The following LHFPL2 variants were observed in gnomAD, a reference collection of about 807,000 sequenced individuals.
LHFPL2 encodes the protein LHFPL tetraspan subfamily member 2, also known as LHFPL tetraspan subfamily member 2 protein.
In LHFPL2, 7 loss-of-function variants were observed where a neutral mutation model predicts 17.5. The ratio of observed to expected loss-of-function variants is 0.40; its 90% CI spans 0.23 to 0.75. The LOEUF (loss-of-function observed/expected upper bound fraction) is 0.75, where lower values mean the gene tolerates loss of function less well. Ranked by LOEUF, LHFPL2 falls within the 30% of genes least tolerant of loss-of-function variation. The pLI, the probability that LHFPL2 is intolerant of heterozygous loss-of-function variation, is 0.37. For synonymous variants in LHFPL2, 134 were observed against 116.2 expected, an observed-to-expected ratio of 1.15 and a Z score of -0.99; for missense variants, 241 against 294.8, an observed-to-expected ratio of 0.82 and a Z score of 1.34.
rs1580851089 is a variant in LHFPL2, at chr5:78,605,418, T to C, written c.-245+26846A>G. 2.6e-5 allele frequency among the ~76,000 whole-genome samples: 4 copies of C among 152,274 alleles called. No individual in the cohort carries two copies. The South Asian group carries it at 8.3e-4, about 32-fold the overall frequency. On this transcript the variant is annotated intron_variant, in intron 2 of 4. Transcript: ENST00000380345. ...GCCCTGACAGGGGCATCAGGGGATCTGTTTCATTGGCGACTCCTCTGTGCC... is the reference window on the plus strand; with the variant it reads ...GCCCTGACAGGGGCATCAGGGGATCCGTTTCATTGGCGACTCCTCTGTGCC...
In LHFPL2 at chr5:78,486,549, G is replaced by C. The variant is rs1754248661; in HGVS notation, c.*2348C>G. On this transcript the variant is annotated 3_prime_UTR_variant, in exon 5 of 5. Transcript: ENST00000380345. ...TCCCAAGCCTGGCTAATGGATTCAA[G>C]GTTTAAAAGTCCCAACATTACCTTT... is the stretch of plus-strand genomic sequence containing the variant. The C allele has an allele frequency of 6.6e-6, 1 of 152,200 alleles. No homozygotes were observed. Among genetic ancestry groups the C allele is most frequent in the Non-Finnish European group, 1.5e-5 (1 of 68,040 alleles). The allele number at this position is 152,200 out of a possible 1,614,324, so 9.4% of individuals were successfully genotyped here. A position where few individuals can be genotyped will look rare whatever the true frequency, so the allele number is the denominator to read the frequency against.
intron 1 of LHFPL2, among the ~76,000 whole-genome samples, chr5:78,634,811 T>A (rs1745376626): frequency 6.6e-6 from 1 of 152,242 alleles, no homozygotes; most frequent in Admixed American, 6.5e-5. Flanking sequence ...AATTTCTGCC[T>A]TTCACAGGCT....
intron 2 of LHFPL2, among the ~76,000 whole-genome samples, chr5:78,574,436 G>A (rs1054187755): frequency 6.6e-6 from 1 of 152,230 alleles, no homozygotes; most frequent in African/African-American, 2.4e-5. Flanking sequence ...TCTGGCCAGA[G>A]GGCCCAGCTC....
intron 2 of LHFPL2, among the ~76,000 whole-genome samples, chr5:78,578,175 A>G (rs1757180745): frequency 6.6e-6 from 1 of 152,240 alleles, no homozygotes; most frequent in African/African-American, 2.4e-5. Context: ...CTCTTCTGGC[A>G]TGGTCCTCTG....
At chr5:78,542,313 A>G (rs1441792909) in intron 3 of LHFPL2, among the ~76,000 whole-genome samples, 3 of 152,112 alleles carry the variant, frequency 2.0e-5, no homozygotes, top group Non-Finnish European at 2.9e-5. Context: ...CAGTAGGCCA[A>G]TCAAAGAAGC....
At chr5:78,647,443 T>C (rs866566330) in intron 1 of LHFPL2, among the ~76,000 whole-genome samples, 1 of 152,182 alleles carries the variant, frequency 6.6e-6, no homozygotes, top group African/African-American at 2.4e-5. Context: ...TTTACCTCTC[T>C]GGGGTGAGCC....
intron 1 of LHFPL2, among the ~76,000 whole-genome samples, chr5:78,639,451 A>G (rs1745586165): frequency 1.3e-5 from 2 of 152,342 alleles, no homozygotes; most frequent in South Asian, 4.1e-4. Context: ...AAGCCGGCAC[A>G]CTATGCTACG....
At chr5:78,619,185 C>T (rs1174422623) in intron 2 of LHFPL2, among the ~76,000 whole-genome samples, 2 of 152,154 alleles carry the variant, frequency 1.3e-5, no homozygotes, top group Admixed American at 1.3e-4. Flanking sequence ...GCCACCACAC[C>T]TGGCTAATTC....
intron 2 of LHFPL2, among the ~76,000 whole-genome samples, chr5:78,585,933 C>T (rs1308085506): frequency 6.6e-6 from 1 of 152,156 alleles, no homozygotes; most frequent in Non-Finnish European, 1.5e-5. Flanking sequence ...CGTACTACCT[C>T]CCAGTGGCCT....
intron 3 of LHFPL2, among the ~76,000 whole-genome samples, chr5:78,523,668 G>C (rs1755530267): frequency 6.6e-6 from 1 of 152,198 alleles, no homozygotes; most frequent in African/African-American, 2.4e-5. Flanking sequence ...GACAGTCACA[G>C]CCTGAGAAAC....
At chr5:78,591,015 A>AT (rs1743608506) in intron 2 of LHFPL2, among the ~76,000 whole-genome samples, 2 of 146,288 alleles carry the variant, frequency 1.4e-5, no homozygotes, top group South Asian at 2.1e-4. Flanking sequence ...AAATATTTCT[A>AT]TTTTTTTGCC....
At chr5:78,603,377 G>A (rs1744092248) in intron 2 of LHFPL2, among the ~76,000 whole-genome samples, 1 of 152,170 alleles carries the variant, frequency 6.6e-6, no homozygotes, top group Non-Finnish European at 1.5e-5. Flanking sequence ...TCAGTAAAAA[G>A]GGTTTAAACC....
At chr5:78,501,918 A>G (rs1754787839) in intron 4 of LHFPL2, among the ~76,000 whole-genome samples, 1 of 152,162 alleles carries the variant, frequency 6.6e-6, no homozygotes, top group African/African-American at 2.4e-5. Context: ...CATGATCAAT[A>G]ATTTTAGAAG....
intron 4 of LHFPL2, among the ~76,000 whole-genome samples, chr5:78,499,711 A>C (rs770098640): frequency 3.9e-5 from 6 of 152,234 alleles, no homozygotes; most frequent in Middle Eastern, 3.2e-3. Flanking sequence ...GGTTATGGAG[A>C]GTGGAAGACT....
At chr5:78,549,576 C>T (rs1756379933) in intron 3 of LHFPL2, among the ~76,000 whole-genome samples, 1 of 152,202 alleles carries the variant, frequency 6.6e-6, no homozygotes, top group South Asian at 2.1e-4. Context: ...AGCCACAACA[C>T]ACATTGGCAT....
At position 78,509,955 on chromosome 5, in the gene LHFPL2, C is replaced by T. The variant is rs758432855; in HGVS notation, c.259G>A (p.Glu87Lys). 3.7e-6 allele frequency: 6 copies of T among 1,613,850 alleles called. No homozygotes were observed. The highest frequency in any genetic ancestry group is 5.1e-6 in the Non-Finnish European group (6 of 1,180,012). ...CCGCTGGCGATCTCGCCGAAGCTCTCGGCGTAGGGCCCGCACAGCGTGTCC... is the reference window on the plus strand; with the variant it reads ...CCGCTGGCGATCTCGCCGAAGCTCTTGGCGTAGGGCCCGCACAGCGTGTCC... ...QRDTLCGPYA[E>K]SFGEIASGFW... Residue 87 changes from glutamate to lysine, a missense_variant, in exon 4 of 5, where the codon GAG becomes AAG. Physicochemically the swap from Glu to Lys is moderately conservative, Grantham distance 56. Transcript: ENST00000380345.
chr5:78,561,686 G>A (rs1412231841), intron 3 of LHFPL2, among the ~76,000 whole-genome samples: 1 of 152,110 alleles, frequency 6.6e-6, no homozygotes, highest in Admixed American at 6.5e-5. Context: ...GTGAATTTAC[G>A]AGCATGTTTA....
intron 3 of LHFPL2, among the ~76,000 whole-genome samples, chr5:78,512,921 A>T (rs1755181218): frequency 6.6e-6 from 1 of 151,786 alleles, no homozygotes; most frequent in Admixed American, 6.6e-5. Flanking sequence ...TGCCTGGCTA[A>T]ATTTTTGTAT....
chr5:78,519,660 A>T (rs1755390871), intron 3 of LHFPL2, among the ~76,000 whole-genome samples: 1 of 152,186 alleles, frequency 6.6e-6, no homozygotes, highest in East Asian at 1.9e-4. Flanking sequence ...TGTTGTGAGG[A>T]TCAATTAAGT....
Sources: gnomAD v4.1 joint callset for allele counts (sites outside exome capture counted in the v4.1 genomes callset) on GRCh38, gnomAD v4.1.1 for gene constraint, MANE v1.5 for transcripts, NCBI Gene and HGNC (gene_info 2026-07-23, HGNC 2026-07-21) for gene names.